Variants in DNER observed in about 807,000 individuals in gnomAD.
DNER encodes delta/notch like EGF repeat containing, also known as delta and Notch-like epidermal growth factor-related receptor.
A neutral mutation model predicts 78.2 loss-of-function variants in DNER; 33 were observed. That is an observed-to-expected ratio of 0.42 (90% CI 0.32 to 0.56). DNER has a LOEUF of 0.56. Ranked by LOEUF, DNER falls within the 20% of genes least tolerant of loss-of-function variation. The probability of loss-of-function intolerance (pLI) is 0.11; values close to 1 mark genes in which losing one functional copy is unlikely to be tolerated. For synonymous variants in DNER, 417 were observed against 384.8 expected (o/e 1.08, Z -0.98); for missense variants, 918 against 975.3 (o/e 0.94, Z 0.78).
chr2:229,463,401 T>C (rs1286617435), intron 7 of DNER, among the ~76,000 whole-genome samples: 1 of 152,194 alleles, frequency 6.6e-6, no homozygotes, highest in Admixed American at 6.5e-5. Context: ...TTATTACAGA[T>C]ATATAAATGA....
chr2:229,405,320 G>T (rs1283834778), intron 10 of DNER, among the ~76,000 whole-genome samples: 1 of 152,094 alleles, frequency 6.6e-6, no homozygotes, highest in East Asian at 1.9e-4. Flanking sequence ...TCGGTTCAAT[G>T]TTTGTTTGTT....
chr2:229,600,436 A>G (rs768893327), intron 1 of DNER, among the ~76,000 whole-genome samples: 1 of 152,208 alleles, frequency 6.6e-6, no homozygotes. Context: ...AAAGACTTCA[A>G]AAAAGAAAAC....
intron 7 of DNER, among the ~76,000 whole-genome samples, chr2:229,468,251 C>A (rs116180791): frequency 1.3e-5 from 2 of 152,322 alleles, no homozygotes; most frequent in South Asian, 4.1e-4. Flanking sequence ...CCCAAAAGGA[C>A]CCCTTTCTTG....
At chr2:229,577,065 G>A (rs547200903) in intron 4 of DNER, among the ~76,000 whole-genome samples, 4 of 152,334 alleles carry the variant, frequency 2.6e-5, no homozygotes, top group African/African-American at 9.6e-5. Flanking sequence ...ACTGTGGGCA[G>A]TGGGACTTTA....
intron 4 of DNER, among the ~76,000 whole-genome samples, chr2:229,569,952 C>T (rs1253036003): frequency 6.6e-6 from 1 of 152,090 alleles, no homozygotes; most frequent in Admixed American, 6.5e-5. Context: ...AAGTCGAAAC[C>T]AAACGTTTCA....
At chr2:229,524,442 C>T (rs1333210714) in intron 5 of DNER, among the ~76,000 whole-genome samples, 4 of 152,172 alleles carry the variant, frequency 2.6e-5, no homozygotes. Context: ...TTCAAAAACA[C>T]TTATCCAGTA....
rs75268168 is a variant in DNER at position 229,547,351 on chromosome 2, C to T, written c.848-259G>A. Among the ~76,000 whole-genome samples, 313 of 152,332 alleles carry T rather than the reference C, an allele frequency of 2.1e-3. 3 individuals carry two copies. The highest frequency in any genetic ancestry group is 7.1e-3 in the African/African-American group (297 of 41,574). On this transcript the variant is annotated intron_variant, in intron 4 of 12. Transcript: ENST00000341772. ...GGCCAAGCAAAATCAGCACCAGGCA[C>T]TTGAGCAACCACCTCAGATCCTTTC...
intron 6 of DNER, among the ~76,000 whole-genome samples, chr2:229,504,150 A>G (rs974695354): frequency 5.9e-5 from 9 of 152,230 alleles, no homozygotes; most frequent in African/African-American, 2.2e-4. Context: ...ACACCCAGTC[A>G]CATATATATA....
chr2:229,401,358 C>T (rs78458076), intron 10 of DNER, among the ~76,000 whole-genome samples: 79 of 152,126 alleles, frequency 5.2e-4, no homozygotes, highest in African/African-American at 1.9e-3. Context: ...TTTATGTTCA[C>T]ACATAAACCT....
At chr2:229,428,010 G>A (rs1476200174) in intron 8 of DNER, among the ~76,000 whole-genome samples, 11 of 150,490 alleles carry the variant, frequency 7.3e-5, no homozygotes, top group Non-Finnish European at 1.5e-4. Context: ...GGGAGGCAGA[G>A]GTTGCAGTGA....
At chr2:229,668,278 C>A (rs911741166) in intron 1 of DNER, among the ~76,000 whole-genome samples, 1 of 151,662 alleles carries the variant, frequency 6.6e-6, no homozygotes, top group East Asian at 1.9e-4. Flanking sequence ...TGTCACATGA[C>A]CCTAACTTAA....
chr2:229,536,254 G>C (rs912485981), intron 5 of DNER, among the ~76,000 whole-genome samples: 2 of 152,174 alleles, frequency 1.3e-5, no homozygotes, highest in Non-Finnish European at 2.9e-5. Context: ...GATAAGCAGG[G>C]AGGTCAGTGG....
Position 229,366,889 on chromosome 2 carries a change from A to G in DNER, c.2086T>C (p.Ser696Pro), listed in dbSNP as rs1354668508. ...ACAGCCAACCTGGCATGCCGGATGGATGCAATGGCATTGCTGAACTCGCTG... is the reference window on the plus strand; with the variant it reads ...ACAGCCAACCTGGCATGCCGGATGGGTGCAATGGCATTGCTGAACTCGCTG... ...IDSEFSNAIA[S>P]IRHARFGKKS... is the part of the protein sequence containing the mutation. Residue 696 changes from serine to proline, a missense_variant, in exon 12 of 13, where the codon TCC becomes CCC. Physicochemically the swap from Ser to Pro is moderately conservative, Grantham distance 74. Transcript: ENST00000341772. The G allele has an allele frequency of 6.2e-7, 1 of 1,614,090 alleles. No homozygotes were observed. Among genetic ancestry groups the G allele is most frequent in the Non-Finnish European group, 8.5e-7 (1 of 1,180,048 alleles).
At chr2:229,626,431 G>A (rs1559187224) in intron 1 of DNER, among the ~76,000 whole-genome samples, 1 of 152,140 alleles carries the variant, frequency 6.6e-6, no homozygotes, top group Non-Finnish European at 1.5e-5. Context: ...AGGAAAGATA[G>A]ACAAAGCACA....
chr2:229,698,547 G>A (rs1281583412), intron 1 of DNER, among the ~76,000 whole-genome samples: 2 of 152,042 alleles, frequency 1.3e-5, no homozygotes, highest in Non-Finnish European at 2.9e-5. Flanking sequence ...GCATAAAATC[G>A]ACTTGTGATT....
chr2:229,554,275 C>A (rs796106675), intron 4 of DNER, among the ~76,000 whole-genome samples: 36 of 152,290 alleles, frequency 2.4e-4, no homozygotes, highest in African/African-American at 7.2e-4. Flanking sequence ...ACGTTCAATT[C>A]AGCCAGGCAT....
intron 12 of DNER, among the ~76,000 whole-genome samples, chr2:229,361,380 G>A (rs946671117): frequency 2.6e-5 from 4 of 152,226 alleles, no homozygotes; most frequent in African/African-American, 9.6e-5. Context: ...GGAAGCTAGA[G>A]AAAATTATAA....
chr2:229,531,037 T>C, intron 5 of DNER, among the ~76,000 whole-genome samples: 1 of 152,144 alleles, frequency 6.6e-6, no homozygotes. Flanking sequence ...GTCAAGGCAA[T>C]ATTAGGGTAC....
intron 7 of DNER, among the ~76,000 whole-genome samples, chr2:229,475,252 T>A: frequency 6.6e-6 from 1 of 152,186 alleles, no homozygotes; most frequent in East Asian, 1.9e-4. Context: ...GGAACTGGCC[T>A]TCAAACCTCC....
Sources: gnomAD v4.1 joint callset for allele counts (sites outside exome capture counted in the v4.1 genomes callset) on GRCh38, gnomAD v4.1.1 for gene constraint, MANE v1.5 for transcripts, NCBI Gene and HGNC (gene_info 2026-07-23, HGNC 2026-07-21) for gene names.